Variants in HS3ST4 observed in about 807,000 individuals in gnomAD.
HS3ST4 encodes heparan sulfate-glucosamine 3-sulfotransferase 4, also known as heparan sulfate glucosamine 3-O-sulfotransferase 4.
In HS3ST4, 17 loss-of-function variants were observed where a neutral mutation model predicts 29.2. The observed-to-expected ratio is 0.58, with a 90% CI of 0.40 to 0.87. The LOEUF is 0.87. Among genes scored for constraint, HS3ST4 ranks in the 40% least tolerant of loss-of-function variants. HS3ST4 has a pLI of 0.00. For synonymous variants in HS3ST4, 314 were observed against 285.7 expected (o/e 1.10, Z -1.00); for missense variants, 627 against 634.5 (o/e 0.99, Z 0.13).
At chr16:26,122,163 T>C (rs186560420) in intron 1 of HS3ST4, among the ~76,000 whole-genome samples, 33 of 144,102 alleles carry the variant, frequency 2.3e-4, no homozygotes, top group African/African-American at 8.6e-4. Flanking sequence ...ATACTAAACA[T>C]TGAGTATAAA....
chr16:25,934,337 C>T (rs1968497050), intron 1 of HS3ST4, among the ~76,000 whole-genome samples: 1 of 152,156 alleles, frequency 6.6e-6, no homozygotes, highest in South Asian at 2.1e-4. Flanking sequence ...GCAAAGACCT[C>T]ATAGCACAGA....
intron 1 of HS3ST4, among the ~76,000 whole-genome samples, chr16:25,985,607 T>TC (rs34718402): frequency 3.9e-5 from 6 of 152,110 alleles, no homozygotes; most frequent in South Asian, 2.1e-4. Context: ...TTATTTCTCC[T>TC]CCCCCCCTTT....
chr16:25,776,744 A>T (rs1966847840), intron 1 of HS3ST4, among the ~76,000 whole-genome samples: 1 of 152,198 alleles, frequency 6.6e-6, no homozygotes, highest in South Asian at 2.1e-4. Flanking sequence ...CTGAAGCTCA[A>T]ACCCTTTCAC....
rs140143253 is a variant in HS3ST4, at chr16:26,136,013, G to A, written c.1136G>A (p.Arg379His). 443 of 1,613,946 alleles carry A rather than the reference G, an allele frequency of 2.7e-4. 4 individuals are homozygous for A. In the Middle Eastern group the frequency reaches 4.3e-3, roughly 16 times the overall value. The change falls in exon 2 of 2, where the codon CGT becomes CAT. Residue 379 changes from arginine (R) to histidine (H), a missense_variant. Coordinates refer to ENST00000331351, the MANE Select transcript of HS3ST4 (RefSeq NM_006040.3). ...AKVQDFLGLK[R>H]VVTEKHFYFN... is the part of the protein sequence containing the mutation. ...GTACAGGATTTTCTAGGCCTCAAAC[G>A]TGTTGTGACTGAGAAGCATTTCTAT... is the stretch of plus-strand genomic sequence containing the variant.
intron 1 of HS3ST4, among the ~76,000 whole-genome samples, chr16:25,877,602 A>G (rs1421316166): frequency 6.6e-6 from 1 of 152,188 alleles, no homozygotes; most frequent in Non-Finnish European, 1.5e-5. Context: ...ACCAGAAGCT[A>G]GAAATGGCAA....
chr16:26,042,903 A>C (rs979689733), intron 1 of HS3ST4, among the ~76,000 whole-genome samples: 23 of 152,290 alleles, frequency 1.5e-4, no homozygotes, highest in Non-Finnish European at 2.6e-4. Context: ...GGATTTTGGC[A>C]GTATCATTTT....
intron 1 of HS3ST4, among the ~76,000 whole-genome samples, chr16:25,854,078 G>A (rs971018731): frequency 2.0e-5 from 3 of 151,520 alleles, no homozygotes; most frequent in South Asian, 4.2e-4. Flanking sequence ...TTTGTAGGTT[G>A]TATGGATTTC....
chr16:25,698,080 A>C (rs547335859), intron 1 of HS3ST4, among the ~76,000 whole-genome samples: 1 of 151,934 alleles, frequency 6.6e-6, no homozygotes, highest in Non-Finnish European at 1.5e-5. Context: ...GTGTGTGTGC[A>C]TGTTGGTTAT....
intron 1 of HS3ST4, among the ~76,000 whole-genome samples, chr16:25,705,985 G>A (rs1966373365): frequency 6.6e-6 from 1 of 152,212 alleles, no homozygotes; most frequent in Non-Finnish European, 1.5e-5. Context: ...AGTCCAGGGA[G>A]TACCTGAAAT....
At chr16:26,059,358 G>A (rs1230989533) in intron 1 of HS3ST4, among the ~76,000 whole-genome samples, 1 of 151,846 alleles carries the variant, frequency 6.6e-6, no homozygotes, top group Non-Finnish European at 1.5e-5. Context: ...ATCACAGAGT[G>A]TGATATGTGA....
intron 1 of HS3ST4, among the ~76,000 whole-genome samples, chr16:25,964,845 T>C (rs546175062): frequency 5.8e-4 from 88 of 152,362 alleles, no homozygotes; most frequent in African/African-American, 2.1e-3. Flanking sequence ...TTGTTAATTA[T>C]CTTGGTGATA....
At chr16:26,126,355 A>G (rs1281914543) in intron 1 of HS3ST4, among the ~76,000 whole-genome samples, 1 of 152,232 alleles carries the variant, frequency 6.6e-6, no homozygotes, top group African/African-American at 2.4e-5. Flanking sequence ...TCTCAGTGGT[A>G]TAACCACACC....
In HS3ST4 at chr16:25,710,808, C is replaced by CTTTT. The variant is rs34759495; in HGVS notation, c.734+17679_734+17682dup. 1.5e-3 allele frequency among the ~76,000 whole-genome samples: 71 copies of CTTTT among 48,540 alleles called. 9 individuals carry two copies. Among genetic ancestry groups the CTTTT allele is most frequent in the African/African-American group, 4.0e-3 (47 of 11,822 alleles). The allele number at this position is 48,540 out of a possible 152,430, so 31.8% of individuals were successfully genotyped here. On this transcript the variant is annotated intron_variant, in intron 1 of 1. Transcript: ENST00000331351. ...AGCAGTTGTGCTTTTGCATATTATC[C>CTTTT]TTTTTTTTTTTTTTTTTTTTTTTTT... is the stretch of plus-strand genomic sequence containing the variant.
intron 1 of HS3ST4, among the ~76,000 whole-genome samples, chr16:25,715,315 C>T (rs924817102): frequency 7.7e-5 from 9 of 117,412 alleles, no homozygotes; most frequent in South Asian, 3.1e-4. Flanking sequence ...GGCGACAGAG[C>T]GAGACTCCGT....
chr16:26,071,935 A>C (rs1898608170), intron 1 of HS3ST4, among the ~76,000 whole-genome samples: 1 of 152,188 alleles, frequency 6.6e-6, no homozygotes, highest in Non-Finnish European at 1.5e-5. Context: ...AATTGGAGCC[A>C]ACTGGAAGCA....
chr16:25,948,382 ATG>A (rs1468176499), intron 1 of HS3ST4, among the ~76,000 whole-genome samples: 2 of 151,888 alleles, frequency 1.3e-5, no homozygotes, highest in Non-Finnish European at 2.9e-5. Context: ...AGGCTTCTGG[ATG>A]AAGGTTGTTG....
chr16:25,794,896 T>TACGCACACAC (rs113901542), intron 1 of HS3ST4, among the ~76,000 whole-genome samples: 1 of 136,682 alleles, frequency 7.3e-6, no homozygotes, highest in Non-Finnish European at 1.6e-5. Flanking sequence ...TACTCAAGAA[T>TACGCACACAC]ACACACACAC....
At chr16:25,874,248 G>T (rs1458732805) in intron 1 of HS3ST4, among the ~76,000 whole-genome samples, 1 of 152,046 alleles carries the variant, frequency 6.6e-6, no homozygotes, top group Non-Finnish European at 1.5e-5. Context: ...GATGACATTT[G>T]ATCTGGGCTC....
In HS3ST4 at chr16:25,719,844, A is replaced by G. The variant is rs116358718; in HGVS notation, c.734+26693A>G. 4.5e-3 allele frequency among the ~76,000 whole-genome samples: 691 copies of G among 152,306 alleles called. 5 individuals are homozygous for G. Among genetic ancestry groups the G allele is most frequent in the African/African-American group, 0.016 (660 of 41,564 alleles). On this transcript the variant is annotated intron_variant, in intron 1 of 1. Transcript: ENST00000331351. ...CATATTATCCATTTATTTTTTTAAAATCTGTTCACCAGACACTGTTGTGGA... is the reference window on the plus strand; with the variant it reads ...CATATTATCCATTTATTTTTTTAAAGTCTGTTCACCAGACACTGTTGTGGA...
Sources: allele counts gnomAD v4.1 joint callset (sites outside exome capture counted in the v4.1 genomes callset), GRCh38; gene constraint gnomAD v4.1.1; transcripts MANE v1.5; gene names NCBI Gene and HGNC (gene_info 2026-07-23, HGNC 2026-07-21).